The following ZFHX3 variants were observed in gnomAD, a reference collection of about 807,000 sequenced individuals.
The protein encoded by ZFHX3 is zinc finger homeobox 3.
Under a neutral mutation model 279.1 loss-of-function variants are expected in ZFHX3, and 42 were observed. The observed-to-expected ratio is 0.15, with a 90% CI of 0.12 to 0.19. The LOEUF is 0.19. Among genes scored for constraint, ZFHX3 ranks in the 10% least tolerant of loss-of-function variants. The probability of loss-of-function intolerance (pLI) is 1.00; values close to 1 mark genes in which losing one functional copy is unlikely to be tolerated. For missense variants in ZFHX3, 4,981 were observed against 4,754.0 expected (o/e 1.05, Z -1.40); for synonymous variants, 2,293 against 1,957.8 (o/e 1.17, Z -4.52).
intron 2 of ZFHX3, among the ~76,000 whole-genome samples, chr16:73,481,441 T>C (rs1301491351): frequency 2.0e-5 from 3 of 152,140 alleles, no homozygotes; most frequent in Admixed American, 2.0e-4. Flanking sequence ...ACTTTTTAAT[T>C]AATTAAATAA....
intron 5 of ZFHX3, among the ~76,000 whole-genome samples, chr16:73,219,824 G>C (rs933907747): frequency 6.6e-6 from 1 of 152,156 alleles, no homozygotes; most frequent in African/African-American, 2.4e-5. Flanking sequence ...GGTGGCTCAC[G>C]CCTGTAATCC....
chr16:73,861,608 C>T (rs1036555805), intron 1 of ZFHX3, among the ~76,000 whole-genome samples: 5 of 152,136 alleles, frequency 3.3e-5, no homozygotes, highest in African/African-American at 9.7e-5. Context: ...CACTCACTCC[C>T]AGTAGTGGGC....
chr16:73,339,525 T>C (rs1222396600), intron 3 of ZFHX3, among the ~76,000 whole-genome samples: 2 of 152,246 alleles, frequency 1.3e-5, no homozygotes, highest in Non-Finnish European at 2.9e-5. Context: ...GTGTATAAAG[T>C]CTATTTCGTC....
At chr16:73,596,073 TGCA>T (rs961077648) in intron 2 of ZFHX3, among the ~76,000 whole-genome samples, 1 of 151,876 alleles carries the variant, frequency 6.6e-6, no homozygotes, top group African/African-American at 2.4e-5. Flanking sequence ...CAGGCTGGAG[TGCA>T]GTGGTGCAAT....
At chr16:73,758,060 C>T (rs78713629) in intron 1 of ZFHX3, among the ~76,000 whole-genome samples, 2,038 of 152,248 alleles carry the variant, frequency 0.013, 51 homozygotes, top group African/African-American at 0.047. Flanking sequence ...AGACATGACC[C>T]GTTGTTCAGA....
At chr16:73,488,534 TC>T (rs2019010989) in intron 2 of ZFHX3, among the ~76,000 whole-genome samples, 1 of 152,110 alleles carries the variant, frequency 6.6e-6, no homozygotes, top group South Asian at 2.1e-4. Context: ...AACTGGCAGA[TC>T]TCAATGGCTG....
At chr16:73,747,216 A>G (rs1404473381) in intron 1 of ZFHX3, among the ~76,000 whole-genome samples, 2 of 152,086 alleles carry the variant, frequency 1.3e-5, no homozygotes, top group Non-Finnish European at 2.9e-5. Flanking sequence ...CAGGGTCTCT[A>G]TTAAAAATAT....
At chr16:73,887,881 A>T (rs769944285) in intron 1 of ZFHX3, among the ~76,000 whole-genome samples, 1 of 151,996 alleles carries the variant, frequency 6.6e-6, no homozygotes, top group Non-Finnish European at 1.5e-5. Context: ...AAACTTTTCC[A>T]CCTCTTTGGA....
At chr16:73,118,354 G>C (rs1966456668) in intron 7 of ZFHX3, among the ~76,000 whole-genome samples, 1 of 152,096 alleles carries the variant, frequency 6.6e-6, no homozygotes, top group African/African-American at 2.4e-5. Flanking sequence ...GATTATAGAT[G>C]TGTGCCACCA....
At position 73,836,632 on chromosome 16, in the gene ZFHX3, T is replaced by C. The variant is rs16972679; in HGVS notation, c.-1608+55019A>G. 5.2e-3 allele frequency among the ~76,000 whole-genome samples: 799 copies of C among 152,300 alleles called. 4 individuals carry two copies. Among genetic ancestry groups the C allele is most frequent in the African/African-American group, 0.018 (757 of 41,560 alleles). ...TTAATCAACGAAATATGATCAGCAT[T>C]AACTGGTCACATCCAAGCATTCATG... On this transcript the variant is annotated intron_variant, in intron 1 of 17. Coordinates refer to the ZFHX3 transcript ENST00000641206.
intron 8 of ZFHX3, among the ~76,000 whole-genome samples, chr16:73,075,766 T>C (rs1042119547): frequency 1.3e-5 from 2 of 151,940 alleles, no homozygotes; most frequent in African/African-American, 2.4e-5. Context: ...CCCGAGTAAC[T>C]GGGACTACAG....
chr16:73,225,705 T>C (rs1264803861), intron 5 of ZFHX3, among the ~76,000 whole-genome samples: 1 of 152,210 alleles, frequency 6.6e-6, no homozygotes, highest in Non-Finnish European at 1.5e-5. Context: ...GGTCCTTTGA[T>C]GTGATGTCAT....
chr16:73,395,043 T>A (rs1417199727), intron 3 of ZFHX3, among the ~76,000 whole-genome samples: 3 of 152,168 alleles, frequency 2.0e-5, no homozygotes, highest in Non-Finnish European at 4.4e-5. Context: ...CATTTGGCAA[T>A]ATCTGGAGAC....
chr16:72,935,733 TA>T (rs35586166), intron 3 of ZFHX3, among the ~76,000 whole-genome samples: 27,004 of 140,880 alleles, frequency 0.19, 2,495 homozygotes, highest in African/African-American at 0.2. Context: ...CACTCTGTCT[TA>T]AAAAAAAAAA....
chr16:73,816,336 C>T (rs16972634), intron 1 of ZFHX3, among the ~76,000 whole-genome samples: 7,606 of 152,066 alleles, frequency 0.05, 412 homozygotes, highest in South Asian at 0.27. Flanking sequence ...TTAACTTTGC[C>T]ATGTATGTTC....
intron 2 of ZFHX3, among the ~76,000 whole-genome samples, chr16:73,585,711 TTGATA>T (rs2051918973): frequency 1.3e-5 from 2 of 152,318 alleles, no homozygotes; most frequent in South Asian, 4.1e-4. Flanking sequence ...AAACATTGAC[TTGATA>T]TGTAATGACT....
chr16:73,093,029 A>G (rs1966107981), intron 8 of ZFHX3: 1 of 519,742 alleles, frequency 1.9e-6, no homozygotes, highest in Non-Finnish European at 3.8e-6. Context: ...GTTTTCTTCC[A>G]TCCTTTCAAA....
intron 4 of ZFHX3, among the ~76,000 whole-genome samples, chr16:72,874,198 AT>A (rs565664402): frequency 5.3e-3 from 508 of 95,064 alleles, no homozygotes; most frequent in Middle Eastern, 0.012. Context: ...GGATTTTTTG[AT>A]TTTTTTTTTT....
At position 72,794,948 on chromosome 16, in the gene ZFHX3, A is replaced by T; in HGVS notation, c.7734T>A (p.Asp2578Glu). 6.2e-7 allele frequency: 1 copy of T among 1,614,080 alleles called. No homozygotes were observed. The highest frequency in any genetic ancestry group is 8.5e-7 in the Non-Finnish European group (1 of 1,180,024). ...GGCTGGCCAGGAGTGGGTTACTGGG[A>T]TCAAAGAGCATGAAAGGCATATCCA... ...RSLDMPFMLFDPSNPLLASQL... is the reference protein window; with the variant it reads ...RSLDMPFMLFEPSNPLLASQL... Residue 2578 changes from aspartate to glutamate, a missense_variant, in exon 9 of 10, where the codon GAT (aspartate) becomes GAA (glutamate). Transcript: ENST00000268489. This position sits in a 1 kb window ranked among gnomAD's most constrained non-coding sequence, Gnocchi z 4.2.
Sources: allele counts gnomAD v4.1 joint callset (sites outside exome capture counted in the v4.1 genomes callset), GRCh38; gene constraint gnomAD v4.1.1; non-coding constraint Gnocchi (gnomAD v3.1); transcripts MANE v1.5; gene names NCBI Gene and HGNC (gene_info 2026-07-23, HGNC 2026-07-21).